KLF12: variants seen among roughly 807,000 people sequenced by gnomAD.
KLF12 encodes the protein Krueppel-like factor 12.
Under a neutral mutation model 37.8 loss-of-function variants are expected in KLF12, and 9 were observed. The observed-to-expected ratio is 0.24, with a 90% CI of 0.14 to 0.42. KLF12 has a LOEUF of 0.42. Ranked by LOEUF, KLF12 falls within the 10% of genes least tolerant of loss-of-function variation. The pLI, the probability that KLF12 is intolerant of heterozygous loss-of-function variation, is 1.00. For synonymous variants in KLF12, 208 were observed against 202.1 expected (o/e 1.03, Z -0.25); for missense variants, 411 against 516.0 (o/e 0.80, Z 1.97).
chr13:73,999,956 G>A (rs1302604830), intron 1 of KLF12, among the ~76,000 whole-genome samples: 1 of 152,104 alleles, frequency 6.6e-6, no homozygotes, highest in Non-Finnish European at 1.5e-5. Flanking sequence ...CAGAAAGAAG[G>A]AACATCAGCC....
chr13:74,040,281 C>G (rs567022026), intron 1 of KLF12, among the ~76,000 whole-genome samples: 48 of 152,256 alleles, frequency 3.2e-4, no homozygotes, highest in Non-Finnish European at 5.0e-4. Context: ...ATTCAACAGT[C>G]ACAGACAGAC....
At chr13:74,185,098 T>C in the KLF12 span, among the ~76,000 whole-genome samples, 350 of 152,344 alleles carry the variant, frequency 2.3e-3, 3 homozygotes, top group African/African-American at 7.0e-3. Context: ...GTAATGTTTA[T>C]CTTTACCTAT....
intron 7 of KLF12, among the ~76,000 whole-genome samples, chr13:73,703,913 A>G (rs1874735456): frequency 1.3e-5 from 2 of 152,356 alleles, no homozygotes; most frequent in Admixed American, 6.5e-5. Flanking sequence ...AACACAGGCT[A>G]GCCCTTCTCA....
chr13:73,702,043 G>A (rs1874598006), intron 7 of KLF12, among the ~76,000 whole-genome samples: 1 of 152,124 alleles, frequency 6.6e-6, no homozygotes, highest in Admixed American at 6.6e-5. Context: ...AAGGGTGGGG[G>A]AGGTGTGGTT....
At chr13:73,762,436 G>T (rs1049800780) in intron 6 of KLF12, among the ~76,000 whole-genome samples, 1 of 152,158 alleles carries the variant, frequency 6.6e-6, no homozygotes, top group South Asian at 2.1e-4. Context: ...ACAGCCATAG[G>T]CTTTCCCAAC....
chr13:74,185,687 C>T, the KLF12 span, among the ~76,000 whole-genome samples: 4,245 of 152,220 alleles, frequency 0.028, 192 homozygotes, highest in African/African-American at 0.095. Flanking sequence ...CACTTCTTCA[C>T]CCAGGCTGGA....
At chr13:74,146,005 G>A in the KLF12 span, among the ~76,000 whole-genome samples, 101,421 of 152,106 alleles carry the variant, frequency 0.67, 39,374 homozygotes, top group East Asian at 0.89. Context: ...ACTTGAACAT[G>A]TTTTTAAAAA....
intron 1 of KLF12, among the ~76,000 whole-genome samples, chr13:74,020,800 A>C (rs570138462): frequency 3.6e-4 from 54 of 151,942 alleles, no homozygotes; most frequent in African/African-American, 1.3e-3. Flanking sequence ...CTGAGGCAGG[A>C]GAATGGCGTG....
rs952103016 is a variant in KLF12, at chr13:73,974,690, T to C, written c.33+20300A>G. Among the ~76,000 whole-genome samples the C allele has an allele frequency of 2.6e-5, 4 of 152,310 alleles. No individual in the cohort carries two copies. The Middle Eastern group carries it at 0.01, about 389-fold the overall frequency. On this transcript the variant is annotated intron_variant, in intron 2 of 7. Transcript: ENST00000377669. ...TTACTTTATTAAGTCAATTGGAACTTAGAGTAGAAAAGTAGCTGTTTAATA... is the reference window on the plus strand; with the variant it reads ...TTACTTTATTAAGTCAATTGGAACTCAGAGTAGAAAAGTAGCTGTTTAATA...
At chr13:73,986,655 T>C (rs747988690) in intron 2 of KLF12, among the ~76,000 whole-genome samples, 2 of 152,134 alleles carry the variant, frequency 1.3e-5, no homozygotes, top group Non-Finnish European at 2.9e-5. Flanking sequence ...AATAAGGAGA[T>C]CATCCTGGAT....
At chr13:74,246,188 ATACG>A in the KLF12 span, among the ~76,000 whole-genome samples, 1 of 152,150 alleles carries the variant, frequency 6.6e-6, no homozygotes, top group East Asian at 1.9e-4. Flanking sequence ...TTAAAAGTGG[ATACG>A]TGCTGTTTTA....
At chr13:74,130,605 C>T (rs1878206242) in intron 1 of KLF12, among the ~76,000 whole-genome samples, 1 of 150,462 alleles carries the variant, frequency 6.6e-6, no homozygotes, top group Non-Finnish European at 1.5e-5. Context: ...ATGATGATGC[C>T]ACTGCAGTCC....
At chr13:73,831,594 G>A (rs994305836) in intron 4 of KLF12, among the ~76,000 whole-genome samples, 13 of 152,076 alleles carry the variant, frequency 8.5e-5, no homozygotes, top group South Asian at 4.1e-4. Context: ...CTAAAGCGCC[G>A]TGTTAGCCTG....
At chr13:73,749,795 G>A (rs1054525637) in intron 6 of KLF12, among the ~76,000 whole-genome samples, 3 of 152,116 alleles carry the variant, frequency 2.0e-5, no homozygotes, top group Admixed American at 6.6e-5. Flanking sequence ...TATGAAAGTT[G>A]GTTTTTTCTT....
At chr13:74,082,615 A>G (rs1874981710) in intron 1 of KLF12, among the ~76,000 whole-genome samples, 1 of 151,988 alleles carries the variant, frequency 6.6e-6, no homozygotes, top group African/African-American at 2.4e-5. Context: ...AAGACCAAAT[A>G]CAAGTTGTTT....
intron 1 of KLF12, among the ~76,000 whole-genome samples, chr13:74,056,674 T>C (rs1391704733): frequency 6.6e-6 from 1 of 152,190 alleles, no homozygotes; most frequent in Non-Finnish European, 1.5e-5. Context: ...AACTAAAAAA[T>C]GTTATTTCGA....
chr13:73,698,404 A>G (rs1874300753), intron 7 of KLF12, among the ~76,000 whole-genome samples: 1 of 152,130 alleles, frequency 6.6e-6, no homozygotes, highest in Non-Finnish European at 1.5e-5. Context: ...GGTGCTGTCT[A>G]GCTTTTTTTG....
rs142769877 is a variant in KLF12, at chr13:73,856,935, C to T, written c.124-10562G>A. ...CCAGGAGGAGGAGGTTGCAGTGAGC[C>T]GAGATCACGCCATCACACTCCCAAC... On this transcript the variant is annotated intron_variant, in intron 3 of 7. Transcript: ENST00000377669. Among the ~76,000 whole-genome samples, 582 of 151,942 alleles carry T rather than the reference C, an allele frequency of 3.8e-3. 2 individuals carry two copies. The highest frequency in any genetic ancestry group is 0.013 in the African/African-American group (548 of 41,418).
the KLF12 span, among the ~76,000 whole-genome samples, chr13:74,254,931 G>C: frequency 6.6e-6 from 1 of 152,140 alleles, no homozygotes; most frequent in Non-Finnish European, 1.5e-5. Context: ...ATGGACCATA[G>C]AGCTCAAGAG....
Sources: gnomAD v4.1 joint callset for allele counts (sites outside exome capture counted in the v4.1 genomes callset) on GRCh38, gnomAD v4.1.1 for gene constraint, MANE v1.5 for transcripts, NCBI Gene and HGNC (gene_info 2026-07-23, HGNC 2026-07-21) for gene names.